Variants in GNAO1 observed in about 807,000 individuals in gnomAD.
GNAO1 encodes G protein subunit alpha o1, also known as guanine nucleotide-binding protein G(o) subunit alpha.
For synonymous variants in GNAO1, 164 were observed against 180.7 expected (o/e 0.91, Z 0.74); for missense variants, 166 against 478.7 (o/e 0.35, Z 6.10).
chr16:56,338,621 C>G (rs1159830352), intron 6 of GNAO1, among the ~76,000 whole-genome samples: 1 of 152,270 alleles, frequency 6.6e-6, no homozygotes, highest in African/African-American at 2.4e-5. Flanking sequence ...GCCCTTCCCC[C>G]TGGAATCCAG....
intron 3 of GNAO1, among the ~76,000 whole-genome samples, chr16:56,314,324 G>A (rs575829659): frequency 6.6e-6 from 1 of 152,238 alleles, no homozygotes; most frequent in South Asian, 2.1e-4. Flanking sequence ...GAGAACTTCT[G>A]CCAGAGACCC....
chr16:56,205,760 C>T (rs1204066499), intron 2 of GNAO1, among the ~76,000 whole-genome samples: 3 of 152,170 alleles, frequency 2.0e-5, no homozygotes, highest in African/African-American at 7.2e-5. Flanking sequence ...CTCCCTGCCT[C>T]AAGGACCTTA....
intron 2 of GNAO1, among the ~76,000 whole-genome samples, chr16:56,239,796 T>C (rs2143423077): frequency 6.6e-6 from 1 of 152,350 alleles, no homozygotes; most frequent in South Asian, 2.1e-4. Context: ...TATGGTTGTC[T>C]TTCCCAAGCT....
At chr16:56,228,994 T>C (rs8053370) in intron 2 of GNAO1, among the ~76,000 whole-genome samples, 21,457 of 152,242 alleles carry the variant, frequency 0.14, 2,015 homozygotes, top group African/African-American at 0.26. Context: ...CTGCTGTGTG[T>C]GTGGTACATA....
intron 2 of GNAO1, 130 bp downstream of exon 2, chr16:56,192,746 A>ACG (rs1267282817): frequency 3.3e-5 from 21 of 634,056 alleles, no homozygotes; most frequent in Middle Eastern, 4.2e-4. Flanking sequence ...ACACACACAC[A>ACG]CACACCCCTA....
intron 3 of GNAO1, among the ~76,000 whole-genome samples, chr16:56,323,742 G>T (rs1163445397): frequency 1.3e-5 from 2 of 152,108 alleles, no homozygotes; most frequent in Non-Finnish European, 1.5e-5. Flanking sequence ...TAAAGAAGAA[G>T]GGGAGAATTG....
intron 3 of GNAO1, 52 bp from the exon 4 acceptor site, chr16:56,328,579 G>T: frequency 6.3e-7 from 1 of 1,584,106 alleles, no homozygotes; most frequent in Non-Finnish European, 8.6e-7. Context: ...GCTGGCAGAG[G>T]TCTTCTGTCC....
At chr16:56,350,350 T>C (rs1267262250) in intron 6 of GNAO1, among the ~76,000 whole-genome samples, 1 of 152,202 alleles carries the variant, frequency 6.6e-6, no homozygotes, top group Non-Finnish European at 1.5e-5. Flanking sequence ...GACAGGGTTC[T>C]TGGGGAAAAT....
intron 3 of GNAO1, among the ~76,000 whole-genome samples, chr16:56,298,474 T>C (rs1310702462): frequency 6.6e-6 from 1 of 152,214 alleles, no homozygotes; most frequent in African/African-American, 2.4e-5. Flanking sequence ...TCTGAGACAC[T>C]CCGTCATTTC....
At chr16:56,234,354 G>A (rs1403943701) in intron 2 of GNAO1, among the ~76,000 whole-genome samples, 1 of 152,250 alleles carries the variant, frequency 6.6e-6, no homozygotes, top group African/African-American at 2.4e-5. Flanking sequence ...TTAGGCTGAG[G>A]GTACTCATGG....
Position 56,337,833 on chromosome 16 carries a change from C to T in GNAO1, c.723+973C>T, listed in dbSNP as rs1403834755. On this transcript the variant is annotated intron_variant, in intron 6 of 8. Coordinates refer to ENST00000262493, the MANE Select transcript of GNAO1 (RefSeq NM_020988.3). ...AGCCCGCCAGGCACCGAGCATGGCCCACAGGGTCACTGGAGACAAGCCCCA... is the reference window on the plus strand; with the variant it reads ...AGCCCGCCAGGCACCGAGCATGGCCTACAGGGTCACTGGAGACAAGCCCCA... 2.0e-5 allele frequency among the ~76,000 whole-genome samples: 3 copies of T among 152,120 alleles called. No individual in the cohort carries two copies. In the East Asian group the frequency reaches 5.8e-4, roughly 29 times the overall value.
intron 2 of GNAO1, among the ~76,000 whole-genome samples, chr16:56,207,886 G>C (rs540286006): frequency 6.6e-6 from 1 of 152,294 alleles, no homozygotes; most frequent in South Asian, 2.1e-4. Context: ...TAGAAAGCAA[G>C]CACTCAGGTA....
chr16:56,316,484 T>C (rs1399352838), intron 3 of GNAO1, among the ~76,000 whole-genome samples: 1 of 152,206 alleles, frequency 6.6e-6, no homozygotes, highest in Admixed American at 6.5e-5. Context: ...ATGACCCCAC[T>C]GCTGTCCTCA....
intron 4 of GNAO1, 71 bp downstream of exon 4, chr16:56,328,862 G>T: frequency 6.7e-7 from 1 of 1,485,616 alleles, no homozygotes; most frequent in Non-Finnish European, 9.3e-7. Context: ...TGGTGATGGG[G>T]ATTGGCAGAG....
chr16:56,238,064 T>C (rs1192100923), intron 2 of GNAO1, among the ~76,000 whole-genome samples: 1 of 152,182 alleles, frequency 6.6e-6, no homozygotes, highest in Non-Finnish European at 1.5e-5. Flanking sequence ...GGGCTGAGGC[T>C]CGTGACAGAG....
chr16:56,230,298 C>T (rs1596810210), intron 2 of GNAO1, among the ~76,000 whole-genome samples: 1 of 152,106 alleles, frequency 6.6e-6, no homozygotes, highest in Non-Finnish European at 1.5e-5. Context: ...TTGTGCCATT[C>T]GCCCCCTGTG....
chr16:56,319,927 T>G (rs535098058), intron 3 of GNAO1, among the ~76,000 whole-genome samples: 1 of 152,276 alleles, frequency 6.6e-6, no homozygotes, highest in South Asian at 2.1e-4. Context: ...TCTGGAGCCT[T>G]GAGCTTCCCC....
chr16:56,266,574 G>A (rs543742742), intron 2 of GNAO1, among the ~76,000 whole-genome samples: 23 of 152,314 alleles, frequency 1.5e-4, no homozygotes, highest in African/African-American at 5.3e-4. Context: ...ATGGAAGGAG[G>A]GCCCGTGGCT....
At chr16:56,335,333 G>A (rs1360348851) in intron 5 of GNAO1, among the ~76,000 whole-genome samples, 3 of 152,230 alleles carry the variant, frequency 2.0e-5, no homozygotes, top group Admixed American at 1.3e-4. Flanking sequence ...CCTGACAAGA[G>A]CAGGGCTTTT....
Sources: gnomAD v4.1 joint callset for allele counts (sites outside exome capture counted in the v4.1 genomes callset) on GRCh38, gnomAD v4.1.1 for gene constraint, MANE v1.5 for transcripts, NCBI Gene and HGNC (gene_info 2026-07-23, HGNC 2026-07-21) for gene names.